Variants in CXXC5 observed in about 807,000 individuals in gnomAD.
CXXC5 encodes the protein CXXC-type zinc finger protein 5.
CXXC5 carries 2 observed loss-of-function variants against 17.6 expected under a neutral mutation model. That is an observed-to-expected ratio of 0.11 (90% CI 0.05 to 0.36). The LOEUF (loss-of-function observed/expected upper bound fraction) is 0.36. Ranked by LOEUF, CXXC5 falls within the 10% of genes least tolerant of loss-of-function variation. The pLI is 1.00. For synonymous variants in CXXC5, 171 were observed against 193.0 expected (o/e 0.89, Z 0.94); for missense variants, 343 against 458.3 (o/e 0.75, Z 2.30).
chr5:139,682,830 T>A, intron 2 of CXXC5, 33 bp from the exon 3 acceptor site: 1 of 1,575,668 alleles, frequency 6.3e-7, no homozygotes, highest in Non-Finnish European at 8.6e-7. Context: ...CTGACTGAAC[T>A]CTCTCCTTGT....
At chr5:139,678,131 CG>C (rs1341196321) in intron 1 of CXXC5, among the ~76,000 whole-genome samples, 5 of 152,220 alleles carry the variant, frequency 3.3e-5, no homozygotes, top group Middle Eastern at 3.2e-3. Context: ...CCGGGGTTGT[CG>C]TCCAGGGCAG....
chr5:139,676,482 C>T (rs1394644905), intron 1 of CXXC5, among the ~76,000 whole-genome samples: 1 of 23,334 alleles, frequency 4.3e-5, no homozygotes, highest in Non-Finnish European at 8.7e-5. Context: ...CCCCCAAGCC[C>T]TCCTCCCCAG....
At chr5:139,652,688 C>T (rs763331398) in intron 1 of CXXC5, among the ~76,000 whole-genome samples, 5 of 152,296 alleles carry the variant, frequency 3.3e-5, no homozygotes, top group South Asian at 4.1e-4. Flanking sequence ...TTGTCCTGAT[C>T]TAGAAGTGTG....
chr5:139,682,823 AC>A, intron 2 of CXXC5, 39 bp from the exon 3 acceptor site: 1 of 1,569,990 alleles, frequency 6.4e-7, no homozygotes, highest in Non-Finnish European at 8.7e-7. Flanking sequence ...CCGGACCCTG[AC>A]TGAACTCTCT....
rs767217574 is a variant in CXXC5 at position 139,681,075 on chromosome 5, C to T, written c.552C>T (p.Ser184=). The change falls in exon 2 of 3, where the codon AGC becomes AGT. Residue 184 remains serine (S), a synonymous_variant. Transcript: ENST00000302517. ...RVVQEHLPLM[S]EAGAGLPDME... is the part of the protein sequence containing the mutation. ...TGCAGGAGCATCTCCCGCTGATGAGCGAGGCGGGTGCTGGCCTGCCTGACA... is the reference window on the plus strand; with the variant it reads ...TGCAGGAGCATCTCCCGCTGATGAGTGAGGCGGGTGCTGGCCTGCCTGACA... The T allele has an allele frequency of 1.1e-5, 17 of 1,612,378 alleles. No homozygotes were observed. The highest frequency in any genetic ancestry group is 1.6e-4 in the Middle Eastern group (1 of 6,084).
chr5:139,664,840 C>G (rs1391161738), intron 1 of CXXC5, among the ~76,000 whole-genome samples: 1 of 152,228 alleles, frequency 6.6e-6, no homozygotes, highest in African/African-American at 2.4e-5. Flanking sequence ...TTGACCCACA[C>G]CAGTGCCCCA....
At chr5:139,665,180 G>A (rs1003861560) in intron 1 of CXXC5, among the ~76,000 whole-genome samples, 1 of 152,244 alleles carries the variant, frequency 6.6e-6, no homozygotes, top group Non-Finnish European at 1.5e-5. Flanking sequence ...CTCGCCTGAC[G>A]CTGCCCGCTC....
At chr5:139,680,204 A>T (rs1209263578) in intron 1 of CXXC5, among the ~76,000 whole-genome samples, 160 bp from the exon 2 acceptor site, 1 of 152,230 alleles carries the variant, frequency 6.6e-6, no homozygotes, top group African/African-American at 2.4e-5. Context: ...CTGAGATAGT[A>T]CAAATAAGAA....
At chr5:139,679,405 G>A (rs895678142) in intron 1 of CXXC5, among the ~76,000 whole-genome samples, 14 of 152,232 alleles carry the variant, frequency 9.2e-5, no homozygotes, top group Non-Finnish European at 1.9e-4. Context: ...TGGTCCTCTG[G>A]CCCTGTGCTG....
intron 1 of CXXC5, 77 bp from the exon 2 acceptor site, chr5:139,680,287 G>A (rs755181252): frequency 6.6e-5 from 39 of 587,052 alleles, no homozygotes; most frequent in East Asian, 1.4e-4. Flanking sequence ...TGACAGGACC[G>A]TTGATAGTGG....
upstream of CXXC5, chr5:139,648,291 G>C (rs1279942662): frequency 6.5e-6 from 1 of 153,186 alleles, no homozygotes; most frequent in Non-Finnish European, 1.5e-5. Flanking sequence ...GTCCGGTCCG[G>C]GTTTTGCCGG....
At chr5:139,654,033 G>C (rs1372668456) in intron 1 of CXXC5, among the ~76,000 whole-genome samples, 1 of 152,124 alleles carries the variant, frequency 6.6e-6, no homozygotes, top group Non-Finnish European at 1.5e-5. Context: ...GGCAGGGCTG[G>C]TGTTACCTGG....
chr5:139,665,943 C>T (rs1202214833), intron 1 of CXXC5: 1 of 152,278 alleles, frequency 6.6e-6, no homozygotes, highest in African/African-American at 2.4e-5. Context: ...TGTCAAGCTG[C>T]TATGGTACAC....
At chr5:139,660,722 G>A (rs534400089) in intron 1 of CXXC5, among the ~76,000 whole-genome samples, 1 of 150,970 alleles carries the variant, frequency 6.6e-6, no homozygotes, top group East Asian at 2.0e-4. Flanking sequence ...GTGAACATGG[G>A]GGGGTTTGCT....
chr5:139,678,489 G>A (rs1756987317), intron 1 of CXXC5, among the ~76,000 whole-genome samples: 1 of 152,166 alleles, frequency 6.6e-6, no homozygotes, highest in African/African-American at 2.4e-5. Context: ...CTAGGAAGGA[G>A]CCCTAGGTGG....
chr5:139,673,030 G>C lies in CXXC5; in HGVS notation c.-160-7334G>C, dbSNP rs117816878. Among the ~76,000 whole-genome samples the C allele has an allele frequency of 3.9e-5, 6 of 152,158 alleles. No individual in the cohort carries two copies. In the South Asian group the frequency reaches 1.2e-3, roughly 32 times the overall value. On this transcript the variant is annotated intron_variant, in intron 1 of 2. Transcript: ENST00000302517. ...GGCCCATCAGTAGGGAGGTCCTGAG[G>C]GGGTACGTGGGCCTGATTTCTGATT...
In CXXC5 at chr5:139,681,006, G is replaced by A. The variant is rs373625100; in HGVS notation, c.483G>A (p.Thr161=). The change falls in exon 2 of 3, where the codon ACG becomes ACA. Residue 161 remains threonine, a synonymous_variant. Transcript: ENST00000302517. ...AGCTGGCAGCCGAGGGACAGCTGACGCTGCAGCAGTTTGCGCAGTCCACAG... is the reference window on the plus strand; with the variant it reads ...AGCTGGCAGCCGAGGGACAGCTGACACTGCAGCAGTTTGCGCAGTCCACAG... The part of the protein sequence containing the change: ...ATELAAEGQL[T]LQQFAQSTEM... The A allele has an allele frequency of 8.7e-6, 14 of 1,605,376 alleles. No individual in the cohort carries two copies. Among genetic ancestry groups the A allele is most frequent in the African/African-American group, 8.0e-5 (6 of 74,946 alleles).
chr5:139,678,282 G>GA (rs2126817474), intron 1 of CXXC5, among the ~76,000 whole-genome samples: 1 of 152,346 alleles, frequency 6.6e-6, no homozygotes, highest in South Asian at 2.1e-4. Flanking sequence ...GAGAGGGGCT[G>GA]AAAAGACCAT....
chr5:139,683,048 A>C lies in CXXC5; in HGVS notation c.*141A>C. On this transcript the variant is annotated 3_prime_UTR_variant, in exon 3 of 3. Coordinates refer to ENST00000302517, the MANE Select transcript of CXXC5 (RefSeq NM_016463.9). ...TCTCACAGATTTCATTCCTGTTTTT[A>C]TATATATATTTTTTGTTGTCGTTTT... is the stretch of plus-strand genomic sequence containing the variant. 1.6e-6 allele frequency: 1 copy of C among 629,782 alleles called. No individual in the cohort carries two copies. The highest frequency in any genetic ancestry group is 2.3e-6 in the Non-Finnish European group (1 of 426,092). The allele number at this position is 629,782 out of a possible 1,614,324, so 39.0% of individuals were successfully genotyped here.
Sources: gnomAD v4.1 joint callset for allele counts (sites outside exome capture counted in the v4.1 genomes callset) on GRCh38, gnomAD v4.1.1 for gene constraint, MANE v1.5 for transcripts, NCBI Gene and HGNC (gene_info 2026-07-23, HGNC 2026-07-21) for gene names.